Variants in FARP1 observed in about 807,000 individuals in gnomAD.
The protein encoded by FARP1 is FERM, ARHGEF and pleckstrin domain-containing protein 1.
In FARP1, 52 loss-of-function variants were observed where a neutral mutation model predicts 128.8. The observed-to-expected ratio is 0.40, with a 90% CI of 0.32 to 0.51. FARP1 has a LOEUF of 0.51. Among genes scored for constraint, FARP1 ranks in the 20% least tolerant of loss-of-function variants. FARP1 has a pLI of 0.45. For missense variants in FARP1, 1,333 were observed against 1,367.9 expected (o/e 0.97, Z 0.40); for synonymous variants, 580 against 551.8 (o/e 1.05, Z -0.72).
intron 17 of FARP1, among the ~76,000 whole-genome samples, chr13:98,426,211 G>A (rs779923604): frequency 6.6e-6 from 1 of 152,190 alleles, no homozygotes; most frequent in Non-Finnish European, 1.5e-5. Context: ...ATCTCAGCCG[G>A]GTGTGGTGGC....
At chr13:98,226,808 T>G (rs2139385743) in intron 2 of FARP1, among the ~76,000 whole-genome samples, 1 of 152,312 alleles carries the variant, frequency 6.6e-6, no homozygotes, top group Non-Finnish European at 1.5e-5. Context: ...TGGTTTTTTT[T>G]GTTGTTGTTT....
chr13:98,382,884 G>A (rs886192038), intron 6 of FARP1, among the ~76,000 whole-genome samples: 7 of 152,164 alleles, frequency 4.6e-5, no homozygotes, highest in African/African-American at 1.7e-4. Context: ...GTGTCCCCGC[G>A]TGCAGTGCTA....
intron 26 of FARP1, 26 bp from the exon 27 acceptor site, chr13:98,448,210 G>A: frequency 6.2e-7 from 1 of 1,603,196 alleles, no homozygotes; most frequent in Non-Finnish European, 8.5e-7. Context: ...ACAAAAGGTT[G>A]ACTAACTGGC....
At chr13:98,292,904 G>A (rs1345581195) in intron 2 of FARP1, among the ~76,000 whole-genome samples, 2 of 152,082 alleles carry the variant, frequency 1.3e-5, no homozygotes, top group Non-Finnish European at 2.9e-5. Flanking sequence ...TGAGCTACAC[G>A]ATCCTGTGTA....
At chr13:98,359,050 T>C (rs1888756623) in intron 3 of FARP1, among the ~76,000 whole-genome samples, 1 of 152,228 alleles carries the variant, frequency 6.6e-6, no homozygotes. Context: ...TGTGTTACAG[T>C]TGACAGGTTG....
rs1893169863 is a variant in FARP1, at chr13:98,451,126, A to C, written c.*2809A>C. 1 of 152,176 alleles carries C rather than the reference A, an allele frequency of 6.6e-6. No individual in the cohort carries two copies. Among genetic ancestry groups the C allele is most frequent in the African/African-American group, 2.4e-5 (1 of 41,446 alleles). The allele number at this position is 152,176 out of a possible 1,614,324, so 9.4% of individuals were successfully genotyped here. On this transcript the variant is annotated 3_prime_UTR_variant, in exon 27 of 27. Coordinates refer to ENST00000319562, the MANE Select transcript of FARP1 (RefSeq NM_005766.4). ...AGCATGAGACTGGCTTCAGTGCTAA[A>C]AACTGTGATGTCATTGTCCATTTGT...
intron 5 of FARP1, among the ~76,000 whole-genome samples, chr13:98,372,085 T>TC (rs955449727): frequency 7.8e-5 from 11 of 141,238 alleles, no homozygotes; most frequent in African/African-American, 2.6e-4. Flanking sequence ...GTTTTTCTTT[T>TC]TTTTTTTTTT....
At chr13:98,284,223 A>G (rs1328487531) in intron 2 of FARP1, among the ~76,000 whole-genome samples, 8 of 151,934 alleles carry the variant, frequency 5.3e-5, no homozygotes, top group Non-Finnish European at 1.0e-4. Context: ...GTGTTAGTGT[A>G]TATTATGTGT....
intron 2 of FARP1, among the ~76,000 whole-genome samples, chr13:98,317,564 A>G (rs1235650596): frequency 6.6e-6 from 1 of 152,190 alleles, no homozygotes; most frequent in Non-Finnish European, 1.5e-5. Flanking sequence ...TGAAAAGGTG[A>G]TTGGTTGCTA....
intron 1 of FARP1, among the ~76,000 whole-genome samples, chr13:98,155,098 G>A (rs12870463): frequency 6.6e-6 from 1 of 152,150 alleles, no homozygotes; most frequent in Non-Finnish European, 1.5e-5. Flanking sequence ...TGTAATCCCA[G>A]CACTTTGGGA....
chr13:98,182,818 T>C (rs1878623239), intron 1 of FARP1, among the ~76,000 whole-genome samples: 2 of 152,252 alleles, frequency 1.3e-5, no homozygotes, highest in African/African-American at 4.8e-5. Context: ...GCACTGGATA[T>C]TTCTGGAAGA....
intron 1 of FARP1, 46 bp from the exon 2 acceptor site, chr13:98,213,174 T>C: frequency 6.7e-7 from 1 of 1,497,676 alleles, no homozygotes; most frequent in Admixed American, 2.0e-5. Context: ...GCTTGGGTGG[T>C]AGTCTCCTAT....
chr13:98,343,877 TC>T lies in FARP1; in HGVS notation c.276+12del. The stretch of plus-strand genomic sequence containing the variant: ...CACAAAAAGATCACGGTAGGTGATG[TC>T]AACTTAATGTTACTATTTTACTGTC... On this transcript the variant is annotated intron_variant, in intron 3 of 26. Coordinates refer to ENST00000319562, the MANE Select transcript of FARP1 (RefSeq NM_005766.4). The T allele has an allele frequency of 6.5e-7, 1 of 1,547,530 alleles. No homozygotes were observed.
intron 2 of FARP1, among the ~76,000 whole-genome samples, chr13:98,262,108 C>T (rs58146567): frequency 0.076 from 11,486 of 150,834 alleles, 473 homozygotes; most frequent in East Asian, 0.14. Flanking sequence ...CTCCACCTCC[C>T]GGGGTCAAGT....
At chr13:98,337,351 G>A (rs540140024) in intron 2 of FARP1, among the ~76,000 whole-genome samples, 53 of 152,200 alleles carry the variant, frequency 3.5e-4, no homozygotes, top group Admixed American at 4.6e-4. Context: ...CAGCCAAGGC[G>A]ACAGCAATAC....
chr13:98,288,781 A>G (rs1375734268), intron 2 of FARP1, among the ~76,000 whole-genome samples: 4 of 152,204 alleles, frequency 2.6e-5, no homozygotes, highest in African/African-American at 9.6e-5. Context: ...CTGGATATCC[A>G]GTGAATGAGA....
intron 1 of FARP1, among the ~76,000 whole-genome samples, chr13:98,187,707 G>T (rs1878969097): frequency 6.6e-6 from 1 of 152,198 alleles, no homozygotes; most frequent in Non-Finnish European, 1.5e-5. Flanking sequence ...TCCAGAAGTT[G>T]CTGGATTACC....
intron 2 of FARP1, among the ~76,000 whole-genome samples, chr13:98,340,083 T>G (rs1417270375): frequency 6.6e-6 from 1 of 151,524 alleles, no homozygotes; most frequent in Non-Finnish European, 1.5e-5. Context: ...TATATTAGTT[T>G]TTTTTTTTTA....
Position 98,176,168 on chromosome 13 carries a change from T to G in FARP1, c.-24+32676T>G. 1 of 1,610,138 alleles carries G rather than the reference T, an allele frequency of 6.2e-7. No individual in the cohort carries two copies. The highest frequency in any genetic ancestry group is 8.5e-7 in the Non-Finnish European group (1 of 1,176,718). ...CATACAGACTTGAGTCTTTCTTATC[T>G]CTTTTTTCCTAAAAGAACAAAAAAA... On this transcript the variant is annotated intron_variant, in intron 1 of 26. Transcript: ENST00000319562. The surrounding 1 kb of genome is among the most constrained non-coding windows in gnomAD (Gnocchi z 6.2).
Sources: gnomAD v4.1 joint callset for allele counts (sites outside exome capture counted in the v4.1 genomes callset) on GRCh38, gnomAD v4.1.1 for gene constraint, Gnocchi (gnomAD v3.1) non-coding constraint, MANE v1.5 for transcripts, NCBI Gene and HGNC (gene_info 2026-07-23, HGNC 2026-07-21) for gene names.